The following TMCC2 variants were observed in gnomAD, a reference collection of about 807,000 sequenced individuals.
TMCC2 encodes the protein transmembrane and coiled-coil domain family 2.
Under a neutral mutation model 49.4 loss-of-function variants are expected in TMCC2, and 16 were observed. The observed-to-expected ratio is 0.32, with a 90% confidence interval of 0.22 to 0.49. TMCC2 has a LOEUF of 0.49. Ranked by LOEUF, TMCC2 falls within the 20% of genes least tolerant of loss-of-function variation. The pLI is 0.99. For missense variants in TMCC2, 762 were observed against 989.8 expected (o/e 0.77, Z 3.09); for synonymous variants, 397 against 434.1 (o/e 0.91, Z 1.06).
intron 1 of TMCC2, among the ~76,000 whole-genome samples, chr1:205,232,765 T>A (rs1659850756): frequency 6.6e-6 from 1 of 151,588 alleles, no homozygotes; most frequent in Non-Finnish European, 1.5e-5. Flanking sequence ...TAAAATCCTG[T>A]CTCTACTAAA....
intron 1 of TMCC2, among the ~76,000 whole-genome samples, chr1:205,235,714 G>A (rs977991598): frequency 6.6e-6 from 1 of 152,174 alleles, no homozygotes; most frequent in Non-Finnish European, 1.5e-5. Context: ...GTCTCTCTTC[G>A]TGTAAGAAGT....
rs1397875827 is a variant in TMCC2 at position 205,264,187 on chromosome 1, GTAAA to G, written c.748-4760_748-4757del. 6.6e-6 allele frequency among the ~76,000 whole-genome samples: 1 copy of G among 152,324 alleles called. No homozygotes were observed. The highest frequency in any genetic ancestry group is 1.9e-4 in the East Asian group (1 of 5,190). On this transcript the variant is annotated intron_variant, in intron 2 of 4. Transcript: ENST00000358024. The surrounding 1 kb of genome is among the most constrained non-coding windows in gnomAD (Gnocchi z 4.2). ...TTCCAGATTGCTTAAGTCTCATACA[GTAAA>G]TAGTGTAGTATTTGCATAGAACCTG...
intron 2 of TMCC2, among the ~76,000 whole-genome samples, chr1:205,259,313 T>C (rs1332448680): frequency 6.6e-6 from 1 of 151,816 alleles, no homozygotes. Context: ...AACGGGTTCT[T>C]TGCGAGTCTG....
At chr1:205,230,452 C>T (rs1659744837) in intron 1 of TMCC2, among the ~76,000 whole-genome samples, 1 of 152,076 alleles carries the variant, frequency 6.6e-6, no homozygotes, top group South Asian at 2.1e-4. Context: ...CGAGTCCATC[C>T]CATGTGGTCA....
At chr1:205,245,908 T>G (rs1488932696) in intron 2 of TMCC2, among the ~76,000 whole-genome samples, 4 of 151,866 alleles carry the variant, frequency 2.6e-5, no homozygotes. Context: ...CCCGAGTAGC[T>G]GGGATTACAG....
chr1:205,263,053 G>A (rs141580623), intron 2 of TMCC2, among the ~76,000 whole-genome samples: 1 of 152,222 alleles, frequency 6.6e-6, no homozygotes, highest in Non-Finnish European at 1.5e-5. Context: ...CTCCCACAGA[G>A]TGTTCCCTCA....
rs1208143099 is a variant in TMCC2 at position 205,242,031 on chromosome 1, G to A, written c.734G>A (p.Gly245Asp). 2 of 1,589,358 alleles carry A rather than the reference G, an allele frequency of 1.3e-6. No individual in the cohort carries two copies. The highest frequency in any genetic ancestry group is 1.7e-6 in the Non-Finnish European group (2 of 1,167,578). The part of the protein sequence containing the change: ...NVYLLAEEAE[G>D]IGDKVDKGDL... ...TACCTCCTGGCTGAGGAGGCCGAAGGCATCGGGGACAAGGTGAGATGGGCC... is the reference window on the plus strand; with the variant it reads ...TACCTCCTGGCTGAGGAGGCCGAAGACATCGGGGACAAGGTGAGATGGGCC... The change falls in exon 2 of 5, where the codon GGC (glycine) becomes GAC (aspartate). Residue 245 changes from glycine (G) to aspartate (D), a missense_variant. Coordinates refer to ENST00000358024, the MANE Select transcript of TMCC2 (RefSeq NM_014858.4).
chr1:205,254,920 T>C (rs1424875441), intron 2 of TMCC2, among the ~76,000 whole-genome samples: 1 of 152,140 alleles, frequency 6.6e-6, no homozygotes, highest in Admixed American at 6.5e-5. Flanking sequence ...AAGTTTAAAA[T>C]GTTAGCTTGG....
At chr1:205,259,156 A>T (rs528428889) in intron 2 of TMCC2, among the ~76,000 whole-genome samples, 1 of 151,784 alleles carries the variant, frequency 6.6e-6, no homozygotes, top group South Asian at 2.1e-4. Flanking sequence ...TGCTTTCCTA[A>T]AGGGAAGCAT....
intron 2 of TMCC2, chr1:205,268,152 A>G: frequency 2.3e-6 from 2 of 860,320 alleles, no homozygotes; most frequent in Non-Finnish European, 1.4e-6. Flanking sequence ...GCAGGCAGGC[A>G]GGGCACAAAG....
At chr1:205,267,632 A>C (rs1158328620) in intron 2 of TMCC2, among the ~76,000 whole-genome samples, 1 of 152,144 alleles carries the variant, frequency 6.6e-6, no homozygotes, top group African/African-American at 2.4e-5. Context: ...AGCAGGTCTC[A>C]GGCCTCCCCG....
intron 1 of TMCC2, among the ~76,000 whole-genome samples, chr1:205,231,794 G>A (rs1659809122): frequency 6.6e-6 from 1 of 152,158 alleles, no homozygotes; most frequent in Non-Finnish European, 1.5e-5. Context: ...AGGCAGATAA[G>A]CAGTTCTGGT....
Position 205,269,339 on chromosome 1 carries a change from C to T in TMCC2, c.1137C>T (p.Asp379=). The stretch of plus-strand genomic sequence containing the variant: ...GGCAGCCCAAGGACGTGCTGCGGGA[C>T]ATGCAGCAGGGGCTGAAGGACGTGG... The part of the protein sequence containing the change: ...PSRQPKDVLR[D]MQQGLKDVGA... Residue 379 remains aspartate (D), a synonymous_variant, in exon 3 of 5, where the codon GAC becomes GAT. Transcript: ENST00000358024. The T allele has an allele frequency of 6.2e-7, 1 of 1,613,216 alleles. No homozygotes were observed. The highest frequency in any genetic ancestry group is 8.5e-7 in the Non-Finnish European group (1 of 1,179,840).
intron 2 of TMCC2, among the ~76,000 whole-genome samples, chr1:205,261,504 A>C (rs1391959854): frequency 6.6e-6 from 1 of 151,872 alleles, no homozygotes; most frequent in African/African-American, 2.4e-5. Context: ...TGTGCAGCCC[A>C]CTTATTTCCT....
intron 2 of TMCC2, among the ~76,000 whole-genome samples, chr1:205,261,527 C>A (rs1462666136): frequency 6.6e-6 from 1 of 152,016 alleles, no homozygotes; most frequent in Non-Finnish European, 1.5e-5. Flanking sequence ...CTAAAAATTA[C>A]TAGGGGCTGG....
chr1:205,255,447 T>C (rs892066352), intron 2 of TMCC2, among the ~76,000 whole-genome samples: 1 of 152,030 alleles, frequency 6.6e-6, no homozygotes, highest in Non-Finnish European at 1.5e-5. Context: ...CCCAGCTACT[T>C]GGGAGACTGA....
chr1:205,236,008 G>A (rs1367512505), intron 1 of TMCC2, among the ~76,000 whole-genome samples: 6 of 149,170 alleles, frequency 4.0e-5, no homozygotes, highest in African/African-American at 1.5e-4. Flanking sequence ...GGCAAAGGTT[G>A]CAGTGAACGG....
In TMCC2 at chr1:205,264,978, C is replaced by G. The variant is rs1011724719; in HGVS notation, c.748-3972C>G. 6.6e-6 allele frequency among the ~76,000 whole-genome samples: 1 copy of G among 152,180 alleles called. No homozygotes were observed. Among genetic ancestry groups the G allele is most frequent in the Non-Finnish European group, 1.5e-5 (1 of 68,024 alleles). Reference sequence around the variant, plus strand: ...GGAAAATATGCCACCTTTCTGGAAGCCAGTGGAACTGAGTCCTCCACAGGG... The same window carrying G: ...GGAAAATATGCCACCTTTCTGGAAGGCAGTGGAACTGAGTCCTCCACAGGG... On this transcript the variant is annotated intron_variant, in intron 2 of 4. Transcript: ENST00000358024. The surrounding 1 kb of genome is among the most constrained non-coding windows in gnomAD (Gnocchi z 4.2).
In TMCC2 at chr1:205,242,069, G is replaced by A. The variant is rs1345410709; in HGVS notation, c.747+25G>A. 6 of 1,547,340 alleles carry A rather than the reference G, an allele frequency of 3.9e-6. No individual in the cohort carries two copies. In the South Asian group the frequency reaches 7.5e-5, roughly 19 times the overall value. On this transcript the variant is annotated intron_variant, in intron 2 of 4. Transcript: ENST00000358024. ...GGTGAGATGGGCCTTCTGGGGCAGG[G>A]GGAGACTCAGAGGCAAGGGCCATCC... is the stretch of plus-strand genomic sequence containing the variant.
Sources: gnomAD v4.1 joint callset for allele counts (sites outside exome capture counted in the v4.1 genomes callset) on GRCh38, gnomAD v4.1.1 for gene constraint, Gnocchi (gnomAD v3.1) non-coding constraint, MANE v1.5 for transcripts, NCBI Gene and HGNC (gene_info 2026-07-23, HGNC 2026-07-21) for gene names.